The following LINGO1 variants were observed in gnomAD, a reference collection of about 807,000 sequenced individuals.
LINGO1 encodes leucine rich repeat and Ig domain containing 1.
In LINGO1, 11 loss-of-function variants were observed where a neutral mutation model predicts 37.3. That is an observed-to-expected ratio of 0.29 (90% CI 0.19 to 0.49). The LOEUF is 0.49. LINGO1 is among the 20% of genes least tolerant of loss of function. The pLI, the probability that LINGO1 is intolerant of heterozygous loss-of-function variation, is 0.99. For missense variants in LINGO1, 585 were observed against 878.2 expected (o/e 0.67, Z 4.22); for synonymous variants, 387 against 403.0 (o/e 0.96, Z 0.48).
At chr15:77,643,294 G>A (rs2074550543) in intron 3 of LINGO1, among the ~76,000 whole-genome samples, 1 of 152,202 alleles carries the variant, frequency 6.6e-6, no homozygotes, top group African/African-American at 2.4e-5. Context: ...AGGAGAGCAG[G>A]GCTGTCCACA....
chr15:77,665,027 C>T (rs975787718), intron 3 of LINGO1, among the ~76,000 whole-genome samples: 3 of 152,162 alleles, frequency 2.0e-5, no homozygotes, highest in Non-Finnish European at 2.9e-5. Context: ...CAGAGGTGGG[C>T]GCACATCTTG....
chr15:77,720,728 C>T (rs1037924583), intron 2 of LINGO1: 7 of 151,984 alleles, frequency 4.6e-5, no homozygotes, highest in African/African-American at 7.3e-5. Flanking sequence ...GGCACCCGCT[C>T]CTCCTTGGGT....
chr15:77,719,296 C>A (rs2076021152), intron 2 of LINGO1, among the ~76,000 whole-genome samples: 1 of 150,084 alleles, frequency 6.7e-6, no homozygotes. Context: ...AAGTCTCCTG[C>A]CAGCACCAGC....
intron 1 of LINGO1, among the ~76,000 whole-genome samples, chr15:77,816,047 T>C (rs186909911): frequency 5.6e-4 from 85 of 152,292 alleles, no homozygotes; most frequent in Admixed American, 9.1e-4. Flanking sequence ...TCAACAATTA[T>C]TTACTGAGCA....
intron 3 of LINGO1, chr15:77,649,133 C>T (rs1270422868): frequency 6.6e-6 from 1 of 152,236 alleles, no homozygotes; most frequent in Non-Finnish European, 1.5e-5. Context: ...GTGACATAGG[C>T]TAGCAGTCTG....
intron 3 of LINGO1, among the ~76,000 whole-genome samples, chr15:77,668,999 G>A (rs563278536): frequency 3.3e-5 from 5 of 152,386 alleles, no homozygotes; most frequent in Middle Eastern, 3.4e-3. Flanking sequence ...AAAGCCCAGC[G>A]TGGCCTGAAT....
intron 1 of LINGO1, among the ~76,000 whole-genome samples, chr15:77,741,698 C>G (rs2076266263): frequency 6.6e-6 from 1 of 152,222 alleles, no homozygotes; most frequent in Non-Finnish European, 1.5e-5. Flanking sequence ...CCTCAGCTTC[C>G]CCAGTGCAGT....
At chr15:77,807,917 T>C (rs2076973382) in intron 1 of LINGO1, among the ~76,000 whole-genome samples, 1 of 152,006 alleles carries the variant, frequency 6.6e-6, no homozygotes, top group Non-Finnish European at 1.5e-5. Flanking sequence ...AGACAAAATA[T>C]TTACAGTCTC....
At chr15:77,707,417 T>C (rs2075866118) in intron 2 of LINGO1, 1 of 152,124 alleles carries the variant, frequency 6.6e-6, no homozygotes, top group Non-Finnish European at 1.5e-5. Flanking sequence ...GCACAAATGA[T>C]CCCAACCATT....
At chr15:77,726,975 G>A (rs992478828) in intron 2 of LINGO1, among the ~76,000 whole-genome samples, 1 of 152,170 alleles carries the variant, frequency 6.6e-6, no homozygotes, top group African/African-American at 2.4e-5. Flanking sequence ...TGGCCAAAAA[G>A]CAGATGGAAA....
At chr15:77,663,392 C>T (rs548455653) in intron 3 of LINGO1, among the ~76,000 whole-genome samples, 1 of 152,250 alleles carries the variant, frequency 6.6e-6, no homozygotes, top group East Asian at 1.9e-4. Context: ...GAAACCCTGC[C>T]ACCTCCCCCT....
At chr15:77,748,689 TTTTTCTTTTTTC>T (rs909738193) in intron 1 of LINGO1, among the ~76,000 whole-genome samples, 11 of 151,756 alleles carry the variant, frequency 7.2e-5, no homozygotes, top group Admixed American at 1.3e-4. Context: ...TTTTTTTTTC[TTTTTCTTTTTTC>T]TTTTCTTTTA....
chr15:77,646,315 G>A lies in LINGO1; in HGVS notation c.-12-30415C>T, dbSNP rs1010886529. 2.6e-4 allele frequency: 97 copies of A among 367,462 alleles called. 1 individual carries two copies. The highest frequency in any genetic ancestry group is 2.4e-3 in the Middle Eastern group (3 of 1,242). The allele number at this position is 367,462 out of a possible 1,614,324, so 22.8% of individuals were successfully genotyped here. A position where few individuals can be genotyped will look rare whatever the true frequency, so the allele number is the denominator to read the frequency against. ...CCACAGAGCAGTGGGCGGGGAACCC[G>A]GACCTACATGGAGGCGCCTCCCCAG... On this transcript the variant is annotated intron_variant, in intron 3 of 3. Coordinates refer to the LINGO1 transcript ENST00000559893.
chr15:77,684,111 T>C (rs575744493), intron 2 of LINGO1, among the ~76,000 whole-genome samples: 11 of 152,334 alleles, frequency 7.2e-5, no homozygotes, highest in African/African-American at 2.6e-4. Flanking sequence ...ACTGCTCAGG[T>C]GTCACCACCT....
upstream of LINGO1, among the ~76,000 whole-genome samples, chr15:77,699,744 CTG>C (rs1306016565): frequency 7.6e-4 from 115 of 152,120 alleles, no homozygotes; most frequent in South Asian, 1.4e-3. Context: ...TAACCATCAC[CTG>C]CACACAGTAA....
At chr15:77,737,773 C>G (rs1007282897) in intron 1 of LINGO1, among the ~76,000 whole-genome samples, 3 of 152,100 alleles carry the variant, frequency 2.0e-5, no homozygotes, top group African/African-American at 7.2e-5. Context: ...TCTGGGTTTC[C>G]AGGACTCGGC....
intron 1 of LINGO1, among the ~76,000 whole-genome samples, chr15:77,746,137 A>G (rs2141357241): frequency 6.6e-6 from 1 of 150,670 alleles, no homozygotes; most frequent in East Asian, 2.0e-4. Flanking sequence ...GAGCCTAGGA[A>G]GTCCAGATTG....
chr15:77,796,312 A>G (rs1459519891), intron 1 of LINGO1, among the ~76,000 whole-genome samples: 1 of 151,760 alleles, frequency 6.6e-6, no homozygotes, highest in Non-Finnish European at 1.5e-5. Flanking sequence ...GCGGGCGTGC[A>G]CACACACACA....
intron 1 of LINGO1, among the ~76,000 whole-genome samples, chr15:77,623,344 G>A (rs2073982558): frequency 6.6e-6 from 1 of 152,212 alleles, no homozygotes; most frequent in East Asian, 1.9e-4. Flanking sequence ...GACTCCTAAT[G>A]GCTTCTCTCT....
Sources: gnomAD v4.1 joint callset for allele counts (sites outside exome capture counted in the v4.1 genomes callset) on GRCh38, gnomAD v4.1.1 for gene constraint, MANE v1.5 for transcripts, NCBI Gene and HGNC (gene_info 2026-07-23, HGNC 2026-07-21) for gene names.